The following ITPR1 variants were observed in gnomAD, a reference collection of about 807,000 sequenced individuals.
The protein encoded by ITPR1 is inositol 1,4,5-trisphosphate receptor type 1.
ITPR1 carries 96 observed loss-of-function variants against 318.4 expected under a neutral mutation model. That is an observed-to-expected ratio of 0.30 (90% CI 0.26 to 0.36). The LOEUF (loss-of-function observed/expected upper bound fraction) is 0.36, where lower values mean the gene tolerates loss of function less well. Among genes scored for constraint, ITPR1 ranks in the 10% least tolerant of loss-of-function variants. The probability of loss-of-function intolerance (pLI) is 1.00; values close to 1 mark genes in which losing one functional copy is unlikely to be tolerated. For missense variants in ITPR1, 2,440 were observed against 3,460.2 expected (o/e 0.71, Z 7.40); for synonymous variants, 1,312 against 1,289.9 (o/e 1.02, Z -0.37).
intron 13 of ITPR1, among the ~76,000 whole-genome samples, chr3:4,658,712 C>T (rs1301294484): frequency 6.6e-6 from 1 of 151,882 alleles, no homozygotes; most frequent in Non-Finnish European, 1.5e-5. Context: ...ATTTTATTAA[C>T]AAGTATTGAG....
intron 17 of ITPR1, among the ~76,000 whole-genome samples, chr3:4,665,623 T>G (rs147971056): frequency 1.3e-5 from 2 of 152,296 alleles, no homozygotes; most frequent in East Asian, 3.9e-4. Flanking sequence ...ATTAAAGATA[T>G]AGTGGAGTCT....
intron 4 of ITPR1, among the ~76,000 whole-genome samples, chr3:4,570,865 A>C (rs2087898166): frequency 1.3e-5 from 2 of 152,194 alleles, no homozygotes; most frequent in South Asian, 4.1e-4. Flanking sequence ...AGCAGTTCCA[A>C]AACCTCAGGC....
intron 61 of ITPR1, among the ~76,000 whole-genome samples, chr3:4,838,343 C>A (rs1381182149): frequency 1.4e-5 from 2 of 145,846 alleles, no homozygotes; most frequent in African/African-American, 5.0e-5. Context: ...TTTTACCCGC[C>A]CCCCGCCGTG....
chr3:4,537,831 C>G (rs759962820), intron 4 of ITPR1, among the ~76,000 whole-genome samples: 6 of 152,132 alleles, frequency 3.9e-5, no homozygotes, highest in Non-Finnish European at 8.8e-5. Context: ...TGCTTTAAGC[C>G]ACTACGTTTT....
chr3:4,645,785 G>T, intron 10 of ITPR1, 57 bp downstream of exon 10: 2 of 1,104,228 alleles, frequency 1.8e-6, no homozygotes, highest in Non-Finnish European at 1.2e-6. Context: ...CCTGTATATA[G>T]GCTCTCTCTC....
At chr3:4,571,452 C>T (rs1053675736) in intron 4 of ITPR1, among the ~76,000 whole-genome samples, 7 of 151,886 alleles carry the variant, frequency 4.6e-5, no homozygotes, top group East Asian at 3.9e-4. Context: ...GCAATCCTCC[C>T]GTCAGTCTCC....
chr3:4,744,367 G>A (rs2043926386), intron 44 of ITPR1, among the ~76,000 whole-genome samples: 1 of 152,162 alleles, frequency 6.6e-6, no homozygotes, highest in Non-Finnish European at 1.5e-5. Flanking sequence ...ACTTTCTTTA[G>A]TGACTTCCGA....
At position 4,738,832 on chromosome 3, in the gene ITPR1, G is replaced by A. The variant is rs576482295; in HGVS notation, c.5544+3478G>A. On this transcript the variant is annotated intron_variant, in intron 44 of 61. Transcript: ENST00000649015. ...CCGCAGTTCAGCCACGTGTGGAGCA[G>A]GGATGTTTTCTCTTGGGGGAACGCA... Among the ~76,000 whole-genome samples, 3 of 152,324 alleles carry A rather than the reference G, an allele frequency of 2.0e-5. 1 individual carries two copies. In the South Asian group the frequency reaches 6.2e-4, roughly 32 times the overall value.
intron 23 of ITPR1, among the ~76,000 whole-genome samples, chr3:4,676,179 CAAA>C (rs5846331): frequency 7.4e-6 from 1 of 134,826 alleles, no homozygotes; most frequent in Non-Finnish European, 1.6e-5. Flanking sequence ...CTATCTCTAC[CAAA>C]AAAAAAAAAA....
At chr3:4,516,838 C>T (rs2082208311) in intron 3 of ITPR1, among the ~76,000 whole-genome samples, 1 of 152,170 alleles carries the variant, frequency 6.6e-6, no homozygotes, top group South Asian at 2.1e-4. Context: ...TTTGCTTTTC[C>T]TTTCTATATA....
At chr3:4,695,744 C>T (rs550295643) in intron 33 of ITPR1, among the ~76,000 whole-genome samples, 2 of 152,188 alleles carry the variant, frequency 1.3e-5, no homozygotes, top group South Asian at 2.1e-4. Context: ...TGATATGTAG[C>T]TGCGTTCATT....
intron 60 of ITPR1, among the ~76,000 whole-genome samples, chr3:4,829,776 A>G (rs928492507): frequency 6.6e-6 from 1 of 152,014 alleles, no homozygotes; most frequent in Non-Finnish European, 1.5e-5. Context: ...ACCAATTCAA[A>G]TGACACGTAT....
chr3:4,788,764 G>A (rs1163963409), intron 52 of ITPR1, among the ~76,000 whole-genome samples: 1 of 152,194 alleles, frequency 6.6e-6, no homozygotes, highest in Non-Finnish European at 1.5e-5. Flanking sequence ...TGATCCTTCA[G>A]TACCAGCCTT....
chr3:4,731,325 C>T (rs1238583341), intron 42 of ITPR1, among the ~76,000 whole-genome samples: 1 of 152,188 alleles, frequency 6.6e-6, no homozygotes, highest in East Asian at 1.9e-4. Flanking sequence ...GTCATTAAAG[C>T]ATCTTGCACC....
intron 44 of ITPR1, chr3:4,751,167 G>A (rs1375900632): frequency 6.6e-6 from 1 of 152,420 alleles, no homozygotes; most frequent in African/African-American, 2.4e-5. Flanking sequence ...CTCCTCTAGT[G>A]CGTTATAAAA....
At chr3:4,553,644 A>G (rs145823331) in intron 4 of ITPR1, among the ~76,000 whole-genome samples, 50 of 136,158 alleles carry the variant, frequency 3.7e-4, no homozygotes, top group African/African-American at 1.3e-3. Context: ...CTTGTCGCCC[A>G]GGCTGGAGTG....
intron 10 of ITPR1, among the ~76,000 whole-genome samples, chr3:4,650,605 TAGTGTG>T (rs2093571750): frequency 7.5e-6 from 1 of 133,210 alleles, no homozygotes; most frequent in African/African-American, 2.8e-5. Flanking sequence ...TGATATGCCT[TAGTGTG>T]TGTGTGTGTG....
intron 41 of ITPR1, 57 bp downstream of exon 41, chr3:4,725,638 G>A: frequency 1.4e-6 from 2 of 1,432,712 alleles, no homozygotes; most frequent in South Asian, 2.3e-5. Flanking sequence ...ATGCCTCTCA[G>A]TTGTCCTGGT....
intron 61 of ITPR1, among the ~76,000 whole-genome samples, chr3:4,843,074 GTTTT>G (rs11404208): frequency 2.8e-5 from 3 of 105,448 alleles, no homozygotes; most frequent in Non-Finnish European, 3.7e-5. Context: ...GTTTTGAGGG[GTTTT>G]TTTTTTTTTT....
Sources: allele counts gnomAD v4.1 joint callset (sites outside exome capture counted in the v4.1 genomes callset), GRCh38; gene constraint gnomAD v4.1.1; transcripts MANE v1.5; gene names NCBI Gene and HGNC (gene_info 2026-07-23, HGNC 2026-07-21).